Variants in EXOC5 observed in about 807,000 individuals in gnomAD.
EXOC5 encodes SEC10-like 1.
EXOC5 carries 17 observed loss-of-function variants against 90.8 expected under a neutral mutation model. That is an observed-to-expected ratio of 0.19 (90% CI 0.13 to 0.28). EXOC5 has a LOEUF of 0.28. Ranked by LOEUF, EXOC5 falls within the 10% of genes least tolerant of loss-of-function variation. The probability of loss-of-function intolerance (pLI) is 1.00; values close to 1 mark genes in which losing one functional copy is unlikely to be tolerated. For synonymous variants in EXOC5, 260 were observed against 270.0 expected, an observed-to-expected ratio of 0.96 and a Z score of 0.36; for missense variants, 569 against 830.6, an observed-to-expected ratio of 0.69 and a Z score of 3.87.
intron 1 of EXOC5, among the ~76,000 whole-genome samples, chr14:57,258,137 G>A (rs918878838): frequency 1.8e-4 from 27 of 152,158 alleles, no homozygotes; most frequent in Non-Finnish European, 4.4e-5. Flanking sequence ...GAGACAGTGT[G>A]ACGATTCCTC....
Position 57,235,759 on chromosome 14 carries a change from A to C in EXOC5, c.621T>G (p.Gly207=), listed in dbSNP as rs766006749. The C allele has an allele frequency of 1.4e-4, 214 of 1,559,216 alleles. No individual in the cohort carries two copies. Among genetic ancestry groups the C allele is most frequent in the Non-Finnish European group, 1.7e-4 (201 of 1,149,442 alleles). The part of the protein sequence containing the change: ...IQEFTSAQRR[G]EISRMREVAA... ...CTACTTCTCTCATTCTGGAGATTTC[A>C]CCTCTTCTTTGAGCACTGGTAAACT... is the stretch of plus-strand genomic sequence containing the variant. The change falls in exon 7 of 18, where the codon GGT becomes GGG. Residue 207 remains glycine (G), a synonymous_variant. Coordinates refer to ENST00000621441, the MANE Select transcript of EXOC5 (RefSeq NM_006544.4).
chr14:57,205,504 C>T lies in EXOC5; in HGVS notation c.*3105G>A, dbSNP rs1046317628. The T allele has an allele frequency of 4.8e-6, 1 of 208,080 alleles. No homozygotes were observed. The highest frequency in any genetic ancestry group is 9.6e-6 in the Non-Finnish European group (1 of 103,646). 12.9% of individuals were successfully genotyped at this position (208,080 alleles called of 1,614,324 possible). A position where few individuals can be genotyped will look rare whatever the true frequency, so the allele number is the denominator to read the frequency against. On this transcript the variant is annotated 3_prime_UTR_variant, in exon 18 of 18. Coordinates refer to ENST00000621441, the MANE Select transcript of EXOC5 (RefSeq NM_006544.4). ...GAACTGCTGTCTCTCAAACACAGTT[C>T]AAGCATGCCTTAGCCACTACCTTAG... is the stretch of plus-strand genomic sequence containing the variant.
chr14:57,205,996 A>G lies in EXOC5; in HGVS notation c.*2613T>C, dbSNP rs997760491. ...CTACTCTGGTTGACTGTCATTTTCA[A>G]CATCATAATTTACATAAGGTAGGCT... On this transcript the variant is annotated 3_prime_UTR_variant, in exon 18 of 18. Coordinates refer to ENST00000621441, the MANE Select transcript of EXOC5 (RefSeq NM_006544.4). 1 of 455,654 alleles carries G rather than the reference A, an allele frequency of 2.2e-6. No homozygotes were observed. The highest frequency in any genetic ancestry group is 2.4e-5 in the Admixed American group (1 of 42,376). The allele number at this position is 455,654 out of a possible 1,614,324, so 28.2% of individuals were successfully genotyped here.
chr14:57,240,888 G>T (rs1033904923), intron 4 of EXOC5, among the ~76,000 whole-genome samples: 1 of 151,598 alleles, frequency 6.6e-6, no homozygotes, highest in African/African-American at 2.4e-5. Context: ...AGTCTTGCTC[G>T]GTCACTCAGA....
chr14:57,241,139 A>G (rs976596058), intron 4 of EXOC5, among the ~76,000 whole-genome samples: 2 of 152,090 alleles, frequency 1.3e-5, no homozygotes, highest in Non-Finnish European at 1.5e-5. Context: ...CAGGCTTGAG[A>G]CACCACGCCC....
At chr14:57,224,149 T>C (rs1038331306) in intron 12 of EXOC5, among the ~76,000 whole-genome samples, 2 of 151,734 alleles carry the variant, frequency 1.3e-5, no homozygotes, top group Admixed American at 6.6e-5. Context: ...GCTTCCACCT[T>C]AGAAAACTAA....
At chr14:57,258,118 T>C (rs1302461018) in intron 1 of EXOC5, among the ~76,000 whole-genome samples, 2 of 152,158 alleles carry the variant, frequency 1.3e-5, no homozygotes, top group Non-Finnish European at 1.5e-5. Context: ...ATGATGTTTG[T>C]CATTGTGAGA....
At chr14:57,240,840 A>G (rs1018530234) in intron 4 of EXOC5, among the ~76,000 whole-genome samples, 1 of 152,034 alleles carries the variant, frequency 6.6e-6, no homozygotes, top group Non-Finnish European at 1.5e-5. Flanking sequence ...AAGAACATCA[A>G]TATAGATTTT....
rs1882592616 is a variant in EXOC5 at position 57,204,542 on chromosome 14, G to A, written c.*4067C>T. 6.6e-6 allele frequency: 1 copy of A among 152,418 alleles called. No homozygotes were observed. The highest frequency in any genetic ancestry group is 2.4e-5 in the African/African-American group (1 of 41,440). 9.4% of individuals were successfully genotyped at this position (152,418 alleles called of 1,614,324 possible). A position where few individuals can be genotyped will look rare whatever the true frequency, so the allele number is the denominator to read the frequency against. On this transcript the variant is annotated 3_prime_UTR_variant, in exon 18 of 18. Coordinates refer to ENST00000621441, the MANE Select transcript of EXOC5 (RefSeq NM_006544.4). ...TGGCAAGCCTATGACATTTAAAATA[G>A]TTTTTGAACATAAAAACACTGATTT...
At chr14:57,220,125 A>T (rs1464508391) in intron 13 of EXOC5, among the ~76,000 whole-genome samples, 1 of 152,120 alleles carries the variant, frequency 6.6e-6, no homozygotes, top group Non-Finnish European at 1.5e-5. Flanking sequence ...GAGAAAATAC[A>T]GGCTTGACAC....
At chr14:57,217,356 A>C (rs186988485) in intron 15 of EXOC5, among the ~76,000 whole-genome samples, 353 of 152,278 alleles carry the variant, frequency 2.3e-3, no homozygotes, top group Non-Finnish European at 2.6e-3. Flanking sequence ...ATGGCAACGC[A>C]AGTCTATCCG....
chr14:57,231,742 G>GGGGGAGAAA, intron 10 of EXOC5, 27 bp from the exon 11 acceptor site: 1 of 1,438,824 alleles, frequency 7.0e-7, no homozygotes, highest in Non-Finnish European at 9.6e-7. Context: ...GGGAGAAAAA[G>GGGGGAGAAA]ATTAATATAC....
At chr14:57,222,572 C>G (rs1044972087) in intron 12 of EXOC5, among the ~76,000 whole-genome samples, 156 bp from the exon 13 acceptor site, 1 of 151,490 alleles carries the variant, frequency 6.6e-6, no homozygotes, top group African/African-American at 2.4e-5. Flanking sequence ...TGCACAAATA[C>G]ACACACACAC....
At chr14:57,267,241 A>G (rs980655068) in intron 1 of EXOC5, among the ~76,000 whole-genome samples, 8 of 152,188 alleles carry the variant, frequency 5.3e-5, no homozygotes, top group African/African-American at 1.7e-4. Flanking sequence ...CATATCTCCC[A>G]ACACTTAAGT....
intron 7 of EXOC5, 71 bp downstream of exon 7, chr14:57,235,640 A>C (rs1360920723): frequency 1.3e-6 from 1 of 750,644 alleles, no homozygotes; most frequent in Non-Finnish European, 2.3e-6. Context: ...GAAATCAGAG[A>C]CTATAATATA....
At chr14:57,249,995 C>G (rs1884142361) in intron 1 of EXOC5, among the ~76,000 whole-genome samples, 1 of 152,084 alleles carries the variant, frequency 6.6e-6, no homozygotes, top group Admixed American at 6.5e-5. Context: ...TGGTCTCAAA[C>G]TCCCAACCTC....
intron 7 of EXOC5, 24 bp from the exon 8 acceptor site, chr14:57,234,056 A>G (rs1883572558): frequency 4.1e-6 from 6 of 1,467,180 alleles, no homozygotes; most frequent in Non-Finnish European, 5.7e-6. Context: ...ACACATTGTT[A>G]TTATTCTGAT....
chr14:57,257,511 A>C (rs1008434026), intron 1 of EXOC5, among the ~76,000 whole-genome samples: 1 of 152,160 alleles, frequency 6.6e-6, no homozygotes, highest in Admixed American at 6.6e-5. Flanking sequence ...GCAGGAAAAC[A>C]ATCCAACAAA....
Position 57,265,455 on chromosome 14 carries a change from G to C in EXOC5, c.27+3167C>G, listed in dbSNP as rs1884643801. ...TAAAAAGAACTGGCGGGGCACGGTG[G>C]CTCACACCTGTAATCCCAGCACCTT... On this transcript the variant is annotated intron_variant, in intron 1 of 17. Transcript: ENST00000621441. Among the ~76,000 whole-genome samples the C allele has an allele frequency of 5.3e-5, 8 of 152,280 alleles. No individual in the cohort carries two copies. In the South Asian group the frequency reaches 1.7e-3, roughly 32 times the overall value.
Sources: gnomAD v4.1 joint callset for allele counts (sites outside exome capture counted in the v4.1 genomes callset) on GRCh38, gnomAD v4.1.1 for gene constraint, MANE v1.5 for transcripts, NCBI Gene and HGNC (gene_info 2026-07-23, HGNC 2026-07-21) for gene names.